Variants in C5 observed in about 807,000 individuals in gnomAD.
C5 encodes C3 and PZP-like alpha-2-macroglobulin domain-containing protein 4.
In C5, 140 loss-of-function variants were observed where a neutral mutation model predicts 218.8. The observed-to-expected ratio is 0.64, with a 90% CI of 0.56 to 0.74. The LOEUF (loss-of-function observed/expected upper bound fraction) is 0.74. Ranked by LOEUF, C5 falls within the 30% of genes least tolerant of loss-of-function variation. C5 has a pLI of 0.00. For missense variants in C5, 1,700 were observed against 1,969.6 expected (o/e 0.86, Z 2.59); for synonymous variants, 614 against 682.3 (o/e 0.90, Z 1.56).
At position 121,006,961 on chromosome 9, in the gene C5, CAA is replaced by C; in HGVS notation, c.2363_2364del (p.Phe788CysfsTer4). On this transcript the variant is annotated frameshift_variant, in exon 19 of 41. Transcript: ENST00000223642. LOFTEE classifies it high-confidence loss of function. The part of the protein sequence containing the change: ...HLVPRRKQLQ[F>X]ALPDSLTTWE... ...CAGGTGGTTAGAGAATCAGGTAGGG[CAA>C]ACTGCAACTGTTTTCTGGAAGTTAA... 6.2e-7 allele frequency: 1 copy of C among 1,611,570 alleles called. No individual in the cohort carries two copies. The highest frequency in any genetic ancestry group is 8.5e-7 in the Non-Finnish European group (1 of 1,177,788).
intron 38 of C5, among the ~76,000 whole-genome samples, chr9:120,960,016 T>G (rs2046815137): frequency 6.6e-6 from 1 of 152,134 alleles, no homozygotes; most frequent in African/African-American, 2.4e-5. Flanking sequence ...TGGGAAAGTA[T>G]CCTGGCTGGG....
In C5 at chr9:120,982,657, G is replaced by T; in HGVS notation, c.3388C>A (p.Gln1130Lys). ...ATTTGTGCATTTGGTTTCCTTACCT[G>T]TAATTTTATTGGTTGATACTGTGAA... Reference protein sequence around the residue: ...ENSQYQPIKLQGTLPVEAREN... With the variant: ...ENSQYQPIKLKGTLPVEAREN... The change falls in exon 26 of 41, where the codon CAG (glutamine) becomes AAG (lysine). Residue 1130 changes from glutamine (Q) to lysine (K), a missense_variant and splice_region_variant. Coordinates refer to ENST00000223642, the MANE Select transcript of C5 (RefSeq NM_001735.3). 6.2e-7 allele frequency: 1 copy of T among 1,602,480 alleles called. No homozygotes were observed. Among genetic ancestry groups the T allele is most frequent in the Non-Finnish European group, 8.5e-7 (1 of 1,170,218 alleles).
chr9:120,958,774 T>C (rs1443775519), intron 38 of C5, among the ~76,000 whole-genome samples: 1 of 152,148 alleles, frequency 6.6e-6, no homozygotes, highest in Non-Finnish European at 1.5e-5. Flanking sequence ...CCTCAGTTTC[T>C]TCACTGGTAA....
At chr9:121,004,245 CTAATAA>C (rs1026037778) in intron 20 of C5, among the ~76,000 whole-genome samples, 4 of 151,868 alleles carry the variant, frequency 2.6e-5, no homozygotes, top group Admixed American at 1.3e-4. Context: ...CAATAGTATA[CTAATAA>C]TAATATTTGT....
chr9:121,039,897 A>G (rs554116372), intron 3 of C5, among the ~76,000 whole-genome samples: 53 of 152,204 alleles, frequency 3.5e-4, no homozygotes, highest in African/African-American at 1.1e-3. Flanking sequence ...TCGGCCTCCC[A>G]AAGTGCTGGG....
chr9:120,994,320 C>T (rs1263723196), intron 22 of C5, among the ~76,000 whole-genome samples: 1 of 152,050 alleles, frequency 6.6e-6, no homozygotes, highest in Admixed American at 6.6e-5. Context: ...CAGTGGCTCA[C>T]GCCTGTAGTC....
rs1344887124 is a variant in C5, at chr9:121,017,711, G to A, written c.1648C>T (p.Gln550Ter). Residue 550 changes from glutamine (Q) to a stop codon, truncating the protein, a stop_gained, in exon 13 of 41, where the codon CAG becomes TAG. Transcript: ENST00000223642. LOFTEE classifies it high-confidence loss of function. ...LLVYYIVTGE[Q>*]TAELVSDSVW... The stretch of plus-strand genomic sequence containing the variant: ...GAATCAGACACTAATTCTGCTGTCT[G>A]TTCTCCTGTGACGATGTAATAGACC... 3 of 1,613,464 alleles carry A rather than the reference G, an allele frequency of 1.9e-6. No homozygotes were observed. Among genetic ancestry groups the A allele is most frequent in the African/African-American group, 2.7e-5 (2 of 74,896 alleles).
chr9:120,959,046 C>T (rs1225014694), intron 38 of C5, among the ~76,000 whole-genome samples: 1 of 152,072 alleles, frequency 6.6e-6, no homozygotes, highest in African/African-American at 2.4e-5. Context: ...CCTCAGCCTC[C>T]CAAAGTGCTG....
At chr9:121,041,135 G>C (rs1267174607) in intron 3 of C5, among the ~76,000 whole-genome samples, 2 of 151,040 alleles carry the variant, frequency 1.3e-5, no homozygotes, top group Non-Finnish European at 2.9e-5. Flanking sequence ...GTGGAAACAG[G>C]GTTTCACCAT....
chr9:121,008,049 A>C (rs1057374395), intron 18 of C5, among the ~76,000 whole-genome samples: 2 of 152,190 alleles, frequency 1.3e-5, no homozygotes, highest in African/African-American at 4.8e-5. Flanking sequence ...TTTAAAAAGA[A>C]AACTTTTCTT....
At chr9:120,978,488 A>G (rs138588108) in intron 28 of C5, among the ~76,000 whole-genome samples, 84 of 152,350 alleles carry the variant, frequency 5.5e-4, no homozygotes, top group African/African-American at 1.9e-3. Flanking sequence ...TTATGATTTT[A>G]TGACCCATAT....
chr9:121,021,843 T>G, intron 10 of C5, 149 bp from the exon 11 acceptor site: 2 of 735,462 alleles, frequency 2.7e-6, no homozygotes, highest in South Asian at 3.1e-5. Context: ...AGAGACTTAC[T>G]ACGTTGCCCA....
intron 20 of C5, among the ~76,000 whole-genome samples, chr9:121,002,280 A>ATGTG (rs1564146611): frequency 9.5e-5 from 11 of 116,312 alleles, no homozygotes; most frequent in Admixed American, 5.5e-4. Context: ...ATGTATATAT[A>ATGTG]CGTATATATG....
intron 4 of C5, among the ~76,000 whole-genome samples, chr9:121,037,645 T>G (rs1481570153): frequency 6.6e-6 from 1 of 152,160 alleles, no homozygotes; most frequent in East Asian, 1.9e-4. Context: ...TCAGCAAGAT[T>G]GTACTTAAAT....
At chr9:121,074,847 T>G in the C5 span, 3 of 456,196 alleles carry the variant, frequency 6.6e-6, no homozygotes, top group South Asian at 4.6e-5. Flanking sequence ...CCTAGCGCGC[T>G]GGCTGCAAAA....
the C5 span, among the ~76,000 whole-genome samples, chr9:121,061,109 G>A: frequency 6.6e-6 from 1 of 152,090 alleles, no homozygotes; most frequent in Admixed American, 6.5e-5. Context: ...AATCACTTGA[G>A]CCCAGGACAT....
In C5 at chr9:120,997,656, T is replaced by C. The variant is rs2047128059; in HGVS notation, c.2681A>G (p.His894Arg). The change falls in exon 21 of 41, where the codon CAC becomes CGC. Residue 894 changes from histidine to arginine, a missense_variant. His to Arg is a conservative substitution (Grantham distance 29). Transcript: ENST00000223642. ...AGGAAGCACAGTGAATGTCACCAAG[T>C]GACTGGAGGAGCCCTCTACTTTCTG... ...VRQKVEGSSS[H>R]LVTFTVLPLE... 2 of 1,614,172 alleles carry C rather than the reference T, an allele frequency of 1.2e-6. No individual in the cohort carries two copies. The highest frequency in any genetic ancestry group is 1.7e-6 in the Non-Finnish European group (2 of 1,180,014).
chr9:120,982,333 T>G (rs2047000915), intron 26 of C5, among the ~76,000 whole-genome samples: 1 of 151,650 alleles, frequency 6.6e-6, no homozygotes, highest in Admixed American at 6.6e-5. Context: ...TTAAGCCTTA[T>G]CTCCCACTCT....
At chr9:121,030,172 CTT>C (rs2047461799) in intron 7 of C5, among the ~76,000 whole-genome samples, 1 of 152,184 alleles carries the variant, frequency 6.6e-6, no homozygotes, top group African/African-American at 2.4e-5. Flanking sequence ...TGGCACTTTT[CTT>C]TGTTTTTGCT....
Sources: gnomAD v4.1 joint callset for allele counts (sites outside exome capture counted in the v4.1 genomes callset) on GRCh38, gnomAD v4.1.1 for gene constraint, MANE v1.5 for transcripts, NCBI Gene and HGNC (gene_info 2026-07-23, HGNC 2026-07-21) for gene names.